The following DMD variants were observed in gnomAD, a reference collection of about 807,000 sequenced individuals.
The protein encoded by DMD is dystrophin.
DMD carries 63 observed loss-of-function variants against 330.1 expected under a neutral mutation model. The observed-to-expected ratio is 0.19, with a 90% CI of 0.16 to 0.24. The LOEUF (loss-of-function observed/expected upper bound fraction) is 0.24. DMD is among the 10% of genes least tolerant of loss of function. DMD has a pLI of 1.00. For missense variants in DMD, 3,344 were observed against 2,684.1 expected (o/e 1.25, Z -5.43); for synonymous variants, 1,223 against 959.8 (o/e 1.27, Z -5.07).
At chrX:31,785,897 G>T (rs2091271840) in intron 50 of DMD, among the ~76,000 whole-genome samples, 1 of 112,023 alleles carries the variant, frequency 8.9e-6, no homozygotes, top group South Asian at 3.7e-4. Flanking sequence ...TGTAAACAGT[G>T]CTGCAACAAA....
chrX:31,366,787 C>T (rs749155453), intron 60 of DMD, among the ~76,000 whole-genome samples: 1 of 107,477 alleles, frequency 9.3e-6, no homozygotes, highest in Non-Finnish European at 1.9e-5. Context: ...CCTTTTGTAT[C>T]TTTTTTTTTA....
chrX:33,077,674 A>G lies in DMD; in HGVS notation c.32-57474T>C, dbSNP rs1215753094. On this transcript the variant is annotated intron_variant, in intron 1 of 78. Transcript: ENST00000357033. ...ATAGTTTTACTACAGTGTTTATGTG[A>G]ATAGCCTACTATAAGGTATAATGAG... Among the ~76,000 whole-genome samples the G allele has an allele frequency of 2.7e-5, 3 of 111,947 alleles. No individual in the cohort carries two copies. In the East Asian group the frequency reaches 8.5e-4, roughly 32 times the overall value.
chrX:31,476,330 A>C (rs900559150), intron 59 of DMD, among the ~76,000 whole-genome samples: 3 of 104,477 alleles, frequency 2.9e-5, no homozygotes, highest in Admixed American at 1.1e-4. Context: ...ATGTGTATAT[A>C]TATGTGTATA....
chrX:31,966,281 A>T (rs1408161220), intron 45 of DMD, among the ~76,000 whole-genome samples: 2 of 110,492 alleles, frequency 1.8e-5, no homozygotes, highest in East Asian at 5.7e-4. Context: ...ATAAAATATT[A>T]TTTTATTAAT....
At chrX:32,230,541 G>A (rs1035816326) in intron 43 of DMD, among the ~76,000 whole-genome samples, 4 of 112,029 alleles carry the variant, frequency 3.6e-5, no homozygotes, top group African/African-American at 9.7e-5. Context: ...CACCGCGCCC[G>A]GCCAAAAACA....
In DMD at chrX:31,264,546, C is replaced by T. The variant is rs73212309; in HGVS notation, c.9225-3530G>A. 8.2e-3 allele frequency among the ~76,000 whole-genome samples: 918 copies of T among 112,002 alleles called. 7 individuals carry two copies. The highest frequency in any genetic ancestry group is 0.038 in the South Asian group (100 of 2,653). ...TTAAAAAATGTTATTGATTTTGGCC[C>T]TGCTGGTTCCAAAGCCTGGCATCAG... On this transcript the variant is annotated intron_variant, in intron 62 of 78. Coordinates refer to ENST00000357033, the MANE Select transcript of DMD (RefSeq NM_004006.3).
At chrX:31,743,739 GC>G (rs2087567230) in intron 51 of DMD, among the ~76,000 whole-genome samples, 1 of 111,919 alleles carries the variant, frequency 8.9e-6, no homozygotes, top group South Asian at 3.7e-4. Flanking sequence ...CGGTTACTAT[GC>G]TCAGTACCTG....
intron 17 of DMD, among the ~76,000 whole-genome samples, chrX:32,539,616 C>G (rs763827533): frequency 8.1e-5 from 9 of 110,998 alleles, no homozygotes; most frequent in Non-Finnish European, 1.5e-4. Context: ...AGTTTAGAAA[C>G]TGAAGTTATA....
At chrX:32,853,656 C>G (rs1333716474) in intron 2 of DMD, among the ~76,000 whole-genome samples, 1 of 106,212 alleles carries the variant, frequency 9.4e-6, no homozygotes, top group African/African-American at 3.4e-5. Context: ...AAAAGGAAGA[C>G]AGGATGGAAG....
At chrX:31,602,786 G>A (rs780427525) in intron 55 of DMD, among the ~76,000 whole-genome samples, 36 of 111,707 alleles carry the variant, frequency 3.2e-4, no homozygotes, top group African/African-American at 1.1e-3. Flanking sequence ...TCGTCAGAGA[G>A]ATCCTGCTTT....
intron 46 of DMD, among the ~76,000 whole-genome samples, chrX:31,931,544 T>C (rs1244671158): frequency 9.0e-6 from 1 of 110,540 alleles, no homozygotes; most frequent in Non-Finnish European, 1.9e-5. Flanking sequence ...TATAATGCCT[T>C]TAAGTAGAGG....
At chrX:31,471,078 G>A (rs1174598302) in intron 59 of DMD, among the ~76,000 whole-genome samples, 2 of 111,809 alleles carry the variant, frequency 1.8e-5, no homozygotes, top group African/African-American at 6.5e-5. Context: ...GATCTTAGCT[G>A]GCTGGGCTCC....
At chrX:32,068,550 C>T (rs138953984) in intron 44 of DMD, among the ~76,000 whole-genome samples, 166 of 109,698 alleles carry the variant, frequency 1.5e-3, no homozygotes, top group African/African-American at 5.1e-3. Context: ...TTGACTTTGT[C>T]GACGAACAGT....
chrX:31,717,988 A>AC (rs1266531047), intron 52 of DMD, among the ~76,000 whole-genome samples: 1 of 111,535 alleles, frequency 9.0e-6, no homozygotes, highest in African/African-American at 3.3e-5. Flanking sequence ...TATTGTATCT[A>AC]CCACTGCCTT....
rs141059795 is a variant in DMD at position 32,758,938 on chromosome X, T to C, written c.649+50555A>G. 3.5e-3 allele frequency among the ~76,000 whole-genome samples: 396 copies of C among 112,131 alleles called. 2 individuals are homozygous for C. Among genetic ancestry groups the C allele is most frequent in the African/African-American group, 0.012 (380 of 30,896 alleles). ...AAAAAGATAAAATGCCCTCTTTTAC[T>C]TCATCTGTATGTTTTTCCTATGCCC... On this transcript the variant is annotated intron_variant, in intron 7 of 78. Transcript: ENST00000357033.
At chrX:31,140,563 G>A (rs1038738490) in intron 76 of DMD, among the ~76,000 whole-genome samples, 4 of 111,773 alleles carry the variant, frequency 3.6e-5, no homozygotes, top group Non-Finnish European at 7.5e-5. Flanking sequence ...ATATAGGACC[G>A]ATGCTTTCAA....
intron 1 of DMD, among the ~76,000 whole-genome samples, chrX:33,311,188 T>C (rs1251054449): frequency 9.1e-6 from 1 of 109,934 alleles, no homozygotes; most frequent in South Asian, 3.7e-4. Flanking sequence ...TATGTATGCA[T>C]ACACACATAC....
chrX:33,110,163 C>T (rs974365672), intron 1 of DMD, among the ~76,000 whole-genome samples: 3 of 110,414 alleles, frequency 2.7e-5, no homozygotes, highest in African/African-American at 9.9e-5. Context: ...CTCTTCAGTC[C>T]TTTGGACTGA....
chrX:31,278,171 A>G (rs1044469450), intron 62 of DMD, among the ~76,000 whole-genome samples: 1 of 111,383 alleles, frequency 9.0e-6, no homozygotes, highest in African/African-American at 3.3e-5. Flanking sequence ...ATGACATATA[A>G]AATTAATTTT....
Sources: gnomAD v4.1 joint callset for allele counts (sites outside exome capture counted in the v4.1 genomes callset) on GRCh38, gnomAD v4.1.1 for gene constraint, MANE v1.5 for transcripts, NCBI Gene and HGNC (gene_info 2026-07-23, HGNC 2026-07-21) for gene names.